The following NCOR2 variants were observed in gnomAD, a reference collection of about 807,000 sequenced individuals.
The protein encoded by NCOR2 is nuclear receptor corepressor 2, also known as CTG repeat protein 26.
In NCOR2, 81 loss-of-function variants were observed where a neutral mutation model predicts 262.9. That is an observed-to-expected ratio of 0.31 (90% CI 0.26 to 0.37). NCOR2 has a LOEUF of 0.37. Among genes scored for constraint, NCOR2 ranks in the 10% least tolerant of loss-of-function variants. The pLI is 1.00. For missense variants in NCOR2, 3,385 were observed against 3,621.4 expected (o/e 0.93, Z 1.68); for synonymous variants, 1,659 against 1,559.3 (o/e 1.06, Z -1.51).
chr12:124,355,944 G>A (rs576483700), intron 23 of NCOR2, among the ~76,000 whole-genome samples: 1 of 152,282 alleles, frequency 6.6e-6, no homozygotes, highest in South Asian at 2.1e-4. Context: ...GTGTGCCCTC[G>A]ATGGCTCCCA....
intron 1 of NCOR2, among the ~76,000 whole-genome samples, chr12:124,551,787 C>T (rs904692960): frequency 2.0e-5 from 3 of 152,138 alleles, no homozygotes; most frequent in Admixed American, 1.3e-4. Context: ...GAAGGAGGCG[C>T]GGGCCGTTTT....
At chr12:124,563,569 C>A (rs1190732868) in intron 1 of NCOR2, among the ~76,000 whole-genome samples, 1 of 152,288 alleles carries the variant, frequency 6.6e-6, no homozygotes, top group Non-Finnish European at 1.5e-5. Context: ...GGCAACGCGC[C>A]CAGCCTATGG....
At chr12:124,433,198 C>T (rs578234084) in intron 8 of NCOR2, among the ~76,000 whole-genome samples, 61 of 152,348 alleles carry the variant, frequency 4.0e-4, no homozygotes, top group African/African-American at 1.3e-3. Context: ...GCCAGGAACG[C>T]GCTGGAGATC....
At chr12:124,360,115 T>C (rs1011682950) in intron 22 of NCOR2, among the ~76,000 whole-genome samples, 5 of 152,200 alleles carry the variant, frequency 3.3e-5, no homozygotes, top group Non-Finnish European at 7.4e-5. Flanking sequence ...GCTGGCACCG[T>C]GCAGTTCCAG....
intron 1 of NCOR2, among the ~76,000 whole-genome samples, chr12:124,492,501 G>A (rs189218296): frequency 2.9e-4 from 44 of 152,240 alleles, no homozygotes; most frequent in East Asian, 2.3e-3. Context: ...TAGGCCTGTC[G>A]GGAGTATGCG....
intron 4 of NCOR2, among the ~76,000 whole-genome samples, chr12:124,467,821 C>A: frequency 1.3e-5 from 1 of 75,144 alleles, no homozygotes. Context: ...CCTTATCACC[C>A]CCATCACCCT....
intron 1 of NCOR2, among the ~76,000 whole-genome samples, chr12:124,565,944 C>T (rs1471380765): frequency 6.6e-6 from 1 of 152,172 alleles, no homozygotes; most frequent in Non-Finnish European, 1.5e-5. Context: ...CCACGAGGTA[C>T]ACAGCCTGCC....
intron 16 of NCOR2, among the ~76,000 whole-genome samples, chr12:124,390,512 A>G (rs1011492943): frequency 2.3e-5 from 3 of 128,436 alleles, no homozygotes; most frequent in Non-Finnish European, 4.7e-5. Context: ...CCAGGGTTTG[A>G]TCATCTTCAT....
chr12:124,388,757 G>C (rs550017617), intron 16 of NCOR2: 3 of 1,304,120 alleles, frequency 2.3e-6, no homozygotes, highest in Non-Finnish European at 3.0e-6. Context: ...CCCAGGGAGC[G>C]GGCCGAAGTG....
At chr12:124,390,653 G>C (rs1045644519) in intron 16 of NCOR2, among the ~76,000 whole-genome samples, 5 of 152,180 alleles carry the variant, frequency 3.3e-5, no homozygotes, top group Admixed American at 1.3e-4. Flanking sequence ...AAGGAAGAGG[G>C]GGCTGTGCGT....
chr12:124,543,334 C>CA (rs1169501825), intron 1 of NCOR2, among the ~76,000 whole-genome samples: 1 of 152,142 alleles, frequency 6.6e-6, no homozygotes, highest in Non-Finnish European at 1.5e-5. Flanking sequence ...GGAGCCGCTG[C>CA]AAAAAACCAT....
intron 1 of NCOR2, among the ~76,000 whole-genome samples, chr12:124,510,857 GA>G (rs1426987541): frequency 1.7e-4 from 26 of 152,202 alleles, no homozygotes; most frequent in African/African-American, 4.8e-4. Context: ...AGGAGGAGAC[GA>G]AAGGCCACAT....
intron 13 of NCOR2, among the ~76,000 whole-genome samples, chr12:124,407,791 C>T (rs1437399488): frequency 6.6e-6 from 1 of 152,268 alleles, no homozygotes; most frequent in Non-Finnish European, 1.5e-5. Context: ...CACTGAGCAT[C>T]TACCATGTGC....
chr12:124,567,422 G>A (rs2052285017), exon 1 of NCOR2: 1 of 150,436 alleles, frequency 6.6e-6, no homozygotes. Context: ...CCGGCCTCGG[G>A]TCGGGACGCG....
intron 8 of NCOR2, among the ~76,000 whole-genome samples, chr12:124,434,696 C>T (rs1014360599): frequency 2.6e-5 from 4 of 152,176 alleles, no homozygotes; most frequent in African/African-American, 9.7e-5. Context: ...GGCAAGATCG[C>T]GCTGAATTGG....
Position 124,510,518 on chromosome 12 carries a change from G to A in NCOR2, c.-117-15150C>T, listed in dbSNP as rs141746130. ...TTCTACAGCTGGAGAGACTGGCACA[G>A]AGAGGCCGAGCAACTTGCCCAAGGT... On this transcript the variant is annotated intron_variant, in intron 1 of 46. Coordinates refer to the NCOR2 transcript ENST00000404621. 6.6e-5 allele frequency among the ~76,000 whole-genome samples: 10 copies of A among 152,352 alleles called. No homozygotes were observed. The East Asian group carries it at 1.3e-3, about 21-fold the overall frequency.
At chr12:124,499,691 T>C (rs1224137820), upstream of NCOR2, among the ~76,000 whole-genome samples, 1 of 151,700 alleles carries the variant, frequency 6.6e-6, no homozygotes, top group African/African-American at 2.4e-5. Flanking sequence ...ATTGAGTGAA[T>C]ATGGGGGGAA....
At chr12:124,462,206 G>A (rs906990200) in intron 5 of NCOR2, among the ~76,000 whole-genome samples, 2 of 152,056 alleles carry the variant, frequency 1.3e-5, no homozygotes, top group Non-Finnish European at 2.9e-5. Flanking sequence ...ATCCACATGC[G>A]GCTCTCCTCT....
At chr12:124,346,173 C>T (rs1015517538) in intron 31 of NCOR2, among the ~76,000 whole-genome samples, 2 of 152,228 alleles carry the variant, frequency 1.3e-5, no homozygotes, top group Non-Finnish European at 2.9e-5. Context: ...AAGAAAACGA[C>T]CTCAGAGCAT....
Sources: gnomAD v4.1 joint callset for allele counts (sites outside exome capture counted in the v4.1 genomes callset) on GRCh38, gnomAD v4.1.1 for gene constraint, MANE v1.5 for transcripts, NCBI Gene and HGNC (gene_info 2026-07-23, HGNC 2026-07-21) for gene names.